The following EPHA6 variants were observed in gnomAD, a reference collection of about 807,000 sequenced individuals.
EPHA6 encodes the protein EPH receptor A6, also known as ephrin type-A receptor 6.
In EPHA6, 50 loss-of-function variants were observed where a neutral mutation model predicts 112.0. The ratio of observed to expected loss-of-function variants is 0.45; its 90% confidence interval spans 0.36 to 0.56. The LOEUF (loss-of-function observed/expected upper bound fraction) is 0.56, where lower values mean the gene tolerates loss of function less well. Ranked by LOEUF, EPHA6 falls within the 20% of genes least tolerant of loss-of-function variation. The pLI, the probability that EPHA6 is intolerant of heterozygous loss-of-function variation, is 0.00. For missense variants in EPHA6, 1,280 were observed against 1,417.4 expected, an observed-to-expected ratio of 0.90 and a Z score of 1.56; for synonymous variants, 529 against 490.7, an observed-to-expected ratio of 1.08 and a Z score of -1.03.
chr3:96,898,415 C>T (rs1180341015), intron 2 of EPHA6, among the ~76,000 whole-genome samples: 1 of 152,056 alleles, frequency 6.6e-6, no homozygotes, highest in African/African-American at 2.4e-5. Context: ...GTTTTACGAC[C>T]TCAGCAATAC....
chr3:97,638,066 C>G lies in EPHA6; in HGVS notation c.2768C>G (p.Ala923Gly), dbSNP rs1244740626. ...LSRVLEDDPEAAYTTTGGKIP... is the reference protein window; with the variant it reads ...LSRVLEDDPEGAYTTTGGKIP... ...AGAGTGCTGGAAGATGATCCAGAAG[C>G]TGCTTATACAACAACTGTAAGTTTA... The change falls in exon 14 of 18, where the codon GCT becomes GGT. Residue 923 changes from alanine to glycine, a missense_variant. Around this residue, in one of 4 missense-constraint regions of EPHA6, gnomAD observed 878 missense variants for 999.7 expected, o/e 0.88. Coordinates refer to ENST00000389672, the MANE Select transcript of EPHA6 (RefSeq NM_001080448.3). 6.2e-7 allele frequency: 1 copy of G among 1,613,094 alleles called. No individual in the cohort carries two copies. Among genetic ancestry groups the G allele is most frequent in the East Asian group, 2.2e-5 (1 of 44,862 alleles).
At chr3:96,853,059 G>A (rs1192940337) in intron 1 of EPHA6, among the ~76,000 whole-genome samples, 3 of 152,206 alleles carry the variant, frequency 2.0e-5, no homozygotes, top group Middle Eastern at 3.4e-3. Context: ...GGACTCTTCA[G>A]CCAGCAGTAA....
chr3:97,542,623 G>A (rs983704251), intron 11 of EPHA6, among the ~76,000 whole-genome samples: 14 of 152,100 alleles, frequency 9.2e-5, no homozygotes, highest in Non-Finnish European at 1.9e-4. Context: ...AATGGGATTC[G>A]TGGGTCAAAT....
intron 10 of EPHA6, among the ~76,000 whole-genome samples, chr3:97,520,037 G>A (rs1305682589): frequency 1.3e-5 from 2 of 148,258 alleles, no homozygotes; most frequent in Admixed American, 6.8e-5. Context: ...GTATGATCTC[G>A]GCTCACTGCA....
At chr3:97,052,026 T>G (rs1268883756) in intron 3 of EPHA6, among the ~76,000 whole-genome samples, 1 of 152,156 alleles carries the variant, frequency 6.6e-6, no homozygotes, top group Non-Finnish European at 1.5e-5. Flanking sequence ...AACTATAAAT[T>G]TGTTTATCTT....
chr3:97,734,297 T>C (rs2035162140), intron 15 of EPHA6, among the ~76,000 whole-genome samples: 1 of 152,094 alleles, frequency 6.6e-6, no homozygotes, highest in Non-Finnish European at 1.5e-5. Context: ...TGGAATTCTA[T>C]GCTATTTCTC....
rs78891296 is a variant in EPHA6, at chr3:97,400,244, C to A, written c.1607-4906C>A. ...GGAATGTATGTTTTTGGCATCTTTG[C>A]CAAAAATCAGCTGGCTGAAAATACA... On this transcript the variant is annotated intron_variant, in intron 5 of 17. Transcript: ENST00000389672. Among the ~76,000 whole-genome samples the A allele has an allele frequency of 2.0e-3, 301 of 151,554 alleles. 1 individual carries two copies. Among genetic ancestry groups the A allele is most frequent in the African/African-American group, 6.7e-3 (276 of 41,454 alleles).
intron 2 of EPHA6, among the ~76,000 whole-genome samples, chr3:96,943,697 A>T (rs1429361918): frequency 6.6e-6 from 1 of 152,236 alleles, no homozygotes. Context: ...ATGAAAGCAA[A>T]GTTGACTGTT....
intron 2 of EPHA6, among the ~76,000 whole-genome samples, chr3:96,882,820 C>T (rs2037403851): frequency 6.6e-6 from 1 of 151,500 alleles, no homozygotes; most frequent in East Asian, 1.9e-4. Flanking sequence ...TCTTTATCCA[C>T]TCATTGATTG....
intron 3 of EPHA6, among the ~76,000 whole-genome samples, chr3:97,040,335 T>C (rs1352276601): frequency 6.6e-6 from 1 of 152,016 alleles, no homozygotes; most frequent in Non-Finnish European, 1.5e-5. Flanking sequence ...AAATGGGTTT[T>C]CTGAGAAGGA....
chr3:96,914,555 C>A (rs1268502719), intron 2 of EPHA6, among the ~76,000 whole-genome samples: 2 of 152,044 alleles, frequency 1.3e-5, no homozygotes, highest in Non-Finnish European at 2.9e-5. Flanking sequence ...CGAAGCGTTC[C>A]GAATAGCCCA....
chr3:97,293,588 A>G (rs1374851996), intron 5 of EPHA6, among the ~76,000 whole-genome samples: 1 of 152,186 alleles, frequency 6.6e-6, no homozygotes, highest in Non-Finnish European at 1.5e-5. Context: ...GTCTGATTCC[A>G]GGGTTTTTAT....
At chr3:97,670,545 A>C (rs1050596879) in intron 14 of EPHA6, among the ~76,000 whole-genome samples, 1 of 152,162 alleles carries the variant, frequency 6.6e-6, no homozygotes. Context: ...AATAGAACTA[A>C]TGTTTTAGGA....
intron 3 of EPHA6, among the ~76,000 whole-genome samples, chr3:97,011,882 T>G (rs960961164): frequency 6.6e-6 from 1 of 152,140 alleles, no homozygotes; most frequent in Admixed American, 6.5e-5. Flanking sequence ...CACTTATAAG[T>G]GAGGACATAC....
intron 3 of EPHA6, among the ~76,000 whole-genome samples, chr3:97,127,022 G>A (rs2048201035): frequency 6.6e-6 from 1 of 151,968 alleles, no homozygotes; most frequent in South Asian, 2.1e-4. Context: ...ACCCATCCTA[G>A]ATTCATGGCT....
chr3:97,490,479 G>T (rs1017273082), intron 10 of EPHA6, among the ~76,000 whole-genome samples: 1 of 152,112 alleles, frequency 6.6e-6, no homozygotes, highest in African/African-American at 2.4e-5. Flanking sequence ...AACTTACAAA[G>T]AAGTTATTTT....
rs1176743041 is a variant in EPHA6 at position 97,735,970 on chromosome 3, G to A, written c.2980G>A (p.Gly994Ser). 6.2e-7 allele frequency: 1 copy of A among 1,612,324 alleles called. No individual in the cohort carries two copies. The highest frequency in any genetic ancestry group is 8.5e-7 in the Non-Finnish European group (1 of 1,179,008). ...AGGGTACAGACTTCCAGCTCCCATG[G>A]GCTGTCCAGCATCTCTACACCAGCT... is the stretch of plus-strand genomic sequence containing the variant. ...EEGYRLPAPM[G>S]CPASLHQLML... is the part of the protein sequence containing the mutation. Residue 994 changes from glycine to serine, a missense_variant, in exon 16 of 18, where the codon GGC becomes AGC. Coordinates refer to ENST00000389672, the MANE Select transcript of EPHA6 (RefSeq NM_001080448.3).
At chr3:96,904,166 A>C (rs2038783882) in intron 2 of EPHA6, among the ~76,000 whole-genome samples, 1 of 152,090 alleles carries the variant, frequency 6.6e-6, no homozygotes, top group Admixed American at 6.6e-5. Context: ...ACGTATGTTT[A>C]TTGTGGCAGT....
At chr3:96,820,034 C>T (rs962056099) in intron 1 of EPHA6, among the ~76,000 whole-genome samples, 42 of 152,014 alleles carry the variant, frequency 2.8e-4, no homozygotes, top group African/African-American at 9.4e-4. Flanking sequence ...AGAGAAAGAG[C>T]TCATTCTGCA....
Sources: allele counts gnomAD v4.1 joint callset (sites outside exome capture counted in the v4.1 genomes callset), GRCh38; gene constraint gnomAD v4.1.1; regional missense constraint gnomAD v4.1.1; transcripts MANE v1.5; gene names NCBI Gene and HGNC (gene_info 2026-07-23, HGNC 2026-07-21).